Variants in CEP57L1 observed in about 807,000 individuals in gnomAD.
The protein encoded by CEP57L1 is centrosomal protein CEP57L1.
In CEP57L1, 37 loss-of-function variants were observed where a neutral mutation model predicts 61.0. That is an observed-to-expected ratio of 0.61 (90% CI 0.47 to 0.80). CEP57L1 has a LOEUF of 0.80. CEP57L1 is among the 30% of genes least tolerant of loss of function. CEP57L1 has a pLI of 0.00. For missense variants in CEP57L1, 422 were observed against 524.7 expected, an observed-to-expected ratio of 0.80 and a Z score of 1.91; for synonymous variants, 137 against 162.3, an observed-to-expected ratio of 0.84 and a Z score of 1.19.
intron 7 of CEP57L1, 148 bp downstream of exon 7, chr6:109,156,025 G>A: frequency 2.0e-6 from 1 of 492,172 alleles, no homozygotes; most frequent in Non-Finnish European, 3.7e-6. Flanking sequence ...AATGGATGAT[G>A]GTTTGGGGTA....
In CEP57L1 at chr6:109,163,076, T is replaced by A. The variant is rs188291049; in HGVS notation, c.*106T>A. 218 of 733,274 alleles carry A rather than the reference T, an allele frequency of 3.0e-4. 1 individual carries two copies. The highest frequency in any genetic ancestry group is 3.4e-4 in the Non-Finnish European group (152 of 447,756). The allele number at this position is 733,274 out of a possible 1,614,324, so 45.4% of individuals were successfully genotyped here. On this transcript the variant is annotated 3_prime_UTR_variant, in exon 11 of 11. Transcript: ENST00000517392. ...TTTGTGACATTTTGAATCATGTTTC[T>A]AGTTTCTATAAAACATGAAGTTGCA... is the stretch of plus-strand genomic sequence containing the variant.
rs1022627565 is a variant in CEP57L1, at chr6:109,164,149, A to G, written c.*1179A>G. ...TGAACCCACAGCTGATGGAATGTTC[A>G]AGCTATAGATGTGAAAGAATTTTTA... On this transcript the variant is annotated 3_prime_UTR_variant, in exon 11 of 11. Coordinates refer to ENST00000517392, the MANE Select transcript of CEP57L1 (RefSeq NM_001271852.3). 1.3e-5 allele frequency among the ~76,000 whole-genome samples: 2 copies of G among 152,222 alleles called. No homozygotes were observed. The highest frequency in any genetic ancestry group is 4.8e-5 in the African/African-American group (2 of 41,464).
intron 3 of CEP57L1, among the ~76,000 whole-genome samples, chr6:109,149,176 A>T (rs962224619): frequency 0.014 from 2,087 of 152,238 alleles, 56 homozygotes; most frequent in African/African-American, 0.048. Context: ...TTGGTGTTGT[A>T]GACATGAAGT....
At position 109,166,508 on chromosome 6, in the gene CEP57L1, C is replaced by T. The variant is rs567292484; in HGVS notation, c.*3538C>T. ...AAGCTATTCTCCTGCCTCAGCCTCC[C>T]GAGTAGCTGGAATTACAGGCACCTG... On this transcript the variant is annotated 3_prime_UTR_variant, in exon 11 of 11. Coordinates refer to ENST00000517392, the MANE Select transcript of CEP57L1 (RefSeq NM_001271852.3). Among the ~76,000 whole-genome samples the T allele has an allele frequency of 1.1e-4, 16 of 151,824 alleles. No homozygotes were observed. The highest frequency in any genetic ancestry group is 1.9e-4 in the East Asian group (1 of 5,152).
intron 1 of CEP57L1, among the ~76,000 whole-genome samples, chr6:109,122,164 C>A (rs1017981486): frequency 6.6e-6 from 1 of 152,176 alleles, no homozygotes; most frequent in South Asian, 2.1e-4. Context: ...AAGTTAAATT[C>A]TCTGCCTGAA....
At chr6:109,120,927 C>T (rs990611629) in intron 1 of CEP57L1, among the ~76,000 whole-genome samples, 1 of 98,758 alleles carries the variant, frequency 1.0e-5, no homozygotes, top group Admixed American at 9.9e-5. Context: ...CACACACACA[C>T]ACACACACAC....
chr6:109,159,202 T>C, intron 8 of CEP57L1, 67 bp from the exon 9 acceptor site: 1 of 1,613,754 alleles, frequency 6.2e-7, no homozygotes, highest in South Asian at 1.1e-5. Flanking sequence ...TTCTCAGTTG[T>C]TTCTTTTCCC....
chr6:109,142,335 A>G (rs1398466458), intron 1 of CEP57L1, among the ~76,000 whole-genome samples: 1 of 152,208 alleles, frequency 6.6e-6, no homozygotes, highest in Non-Finnish European at 1.5e-5. Context: ...GCTGGAAGCC[A>G]TCATCCTTGG....
chr6:109,148,236 T>A lies in CEP57L1; in HGVS notation c.340+1299T>A, dbSNP rs180880762. On this transcript the variant is annotated intron_variant, in intron 3 of 10. Transcript: ENST00000517392. ...GCACCCATTAACTCGTCATTTAGCA[T>A]TAGGTATGTCTTCTAATGCTATCCC... 8.5e-5 allele frequency among the ~76,000 whole-genome samples: 13 copies of A among 152,198 alleles called. No individual in the cohort carries two copies. The East Asian group carries it at 2.5e-3, about 29-fold the overall frequency.
chr6:109,142,820 G>T (rs1197914769), intron 1 of CEP57L1, among the ~76,000 whole-genome samples: 2 of 152,082 alleles, frequency 1.3e-5, no homozygotes, highest in East Asian at 3.9e-4. Flanking sequence ...GTACTTCTCT[G>T]TATTTTCAGA....
At chr6:109,145,442 T>TATTCCACATAA in intron 2 of CEP57L1, 61 bp downstream of exon 2, 3 of 1,118,874 alleles carry the variant, frequency 2.7e-6, no homozygotes, top group Non-Finnish European at 3.7e-6. Context: ...TTTTCATATT[T>TATTCCACATAA]ATGTGGAATA....
In CEP57L1 at chr6:109,131,400, C is replaced by G. The variant is rs566717398; in HGVS notation, c.-3-13819C>G. On this transcript the variant is annotated intron_variant, in intron 1 of 10. Transcript: ENST00000517392. ...AGTGAACTCTCTAGTTAATAACTAA[C>G]CAGATAATATTCATTTTACTGTAAT... 3.3e-5 allele frequency among the ~76,000 whole-genome samples: 5 copies of G among 151,936 alleles called. No homozygotes were observed. The East Asian group carries it at 9.7e-4, about 29-fold the overall frequency.
At chr6:109,111,658 T>A (rs1583403766) in intron 1 of CEP57L1, among the ~76,000 whole-genome samples, 1 of 152,158 alleles carries the variant, frequency 6.6e-6, no homozygotes. Flanking sequence ...TGGCTGTGGG[T>A]TTGTCATAAA....
chr6:109,142,748 G>T (rs1022461656), intron 1 of CEP57L1, among the ~76,000 whole-genome samples: 2 of 152,104 alleles, frequency 1.3e-5, no homozygotes, highest in Admixed American at 1.3e-4. Flanking sequence ...GGTCTTTTCA[G>T]TTACCAACAG....
intron 1 of CEP57L1, among the ~76,000 whole-genome samples, chr6:109,111,516 C>A (rs963885511): frequency 6.6e-6 from 1 of 152,140 alleles, no homozygotes; most frequent in Admixed American, 6.5e-5. Flanking sequence ...CCCTTTATTT[C>A]TTTCTTTTGG....
At chr6:109,125,876 T>C (rs1562524803) in intron 1 of CEP57L1, among the ~76,000 whole-genome samples, 1 of 152,132 alleles carries the variant, frequency 6.6e-6, no homozygotes, top group Non-Finnish European at 1.5e-5. Flanking sequence ...TGAAGAAATA[T>C]TACCAGTAAT....
At position 109,162,983 on chromosome 6, in the gene CEP57L1, AC is replaced by A; in HGVS notation, c.*14del. On this transcript the variant is annotated 3_prime_UTR_variant, in exon 11 of 11. Transcript: ENST00000517392. ...GTGGGAACAGTAACAAAACAGCAAA[AC>A]TGTCACCTTAATGAACTTTGTCAGT... 1 of 1,547,910 alleles carries A rather than the reference AC, an allele frequency of 6.5e-7. No homozygotes were observed. Among genetic ancestry groups the A allele is most frequent in the South Asian group, 1.1e-5 (1 of 89,060 alleles).
chr6:109,144,097 G>A (rs766129319), intron 1 of CEP57L1, among the ~76,000 whole-genome samples: 10 of 152,138 alleles, frequency 6.6e-5, no homozygotes, highest in Non-Finnish European at 1.3e-4. Context: ...AGAACAAAAA[G>A]CATCAAGTAT....
intron 4 of CEP57L1, among the ~76,000 whole-genome samples, chr6:109,152,449 C>T (rs1032593894): frequency 6.6e-6 from 1 of 152,166 alleles, no homozygotes; most frequent in African/African-American, 2.4e-5. Flanking sequence ...TCCCAAAGTG[C>T]TGGGATTACA....
Sources: gnomAD v4.1 joint callset for allele counts (sites outside exome capture counted in the v4.1 genomes callset) on GRCh38, gnomAD v4.1.1 for gene constraint, MANE v1.5 for transcripts, NCBI Gene and HGNC (gene_info 2026-07-23, HGNC 2026-07-21) for gene names.